MYO5B: variants seen among roughly 807,000 people sequenced by gnomAD.
MYO5B encodes unconventional myosin-Vb.
A neutral mutation model predicts 229.3 loss-of-function variants in MYO5B; 143 were observed. The observed-to-expected ratio is 0.62, with a 90% confidence interval of 0.54 to 0.72. MYO5B has a LOEUF of 0.72. MYO5B is among the 30% of genes least tolerant of loss of function. The probability of loss-of-function intolerance (pLI) is 0.00; values close to 1 mark genes in which losing one functional copy is unlikely to be tolerated. For missense variants in MYO5B, 2,321 were observed against 2,331.0 expected (o/e 1.00, Z 0.09); for synonymous variants, 918 against 885.2 (o/e 1.04, Z -0.66).
At chr18:50,041,274 A>G (rs985243376) in intron 2 of MYO5B, among the ~76,000 whole-genome samples, 1 of 152,230 alleles carries the variant, frequency 6.6e-6, no homozygotes, top group South Asian at 2.1e-4. Flanking sequence ...ATCATATTTT[A>G]AGAATTTCTG....
chr18:50,116,903 C>T (rs2031973346), intron 1 of MYO5B, among the ~76,000 whole-genome samples: 1 of 151,730 alleles, frequency 6.6e-6, no homozygotes, highest in Non-Finnish European at 1.5e-5. Flanking sequence ...GAAGAATCAG[C>T]ATCTGTGATG....
chr18:49,973,040 A>T (rs2025707545), intron 10 of MYO5B, among the ~76,000 whole-genome samples: 1 of 151,982 alleles, frequency 6.6e-6, no homozygotes, highest in African/African-American at 2.4e-5. Context: ...CTTAGCTCCC[A>T]CATAAAGCTT....
intron 4 of MYO5B, among the ~76,000 whole-genome samples, chr18:50,005,279 G>A (rs1285894768): frequency 6.6e-6 from 1 of 152,178 alleles, no homozygotes; most frequent in Non-Finnish European, 1.5e-5. Flanking sequence ...AAAGGACACT[G>A]GGGTTGTAAT....
chr18:49,942,750 CT>C lies in MYO5B; in HGVS notation c.1753-5354del, dbSNP rs546360794. Among the ~76,000 whole-genome samples, 582 of 152,132 alleles carry C rather than the reference CT, an allele frequency of 3.8e-3. 6 individuals carry two copies. The highest frequency in any genetic ancestry group is 0.014 in the African/African-American group (565 of 41,496). ...GAGAGGATGTGGAGAAATAGGAACA[CT>C]TTTACACTGTTGGTGGGACTGTAAA... is the stretch of plus-strand genomic sequence containing the variant. On this transcript the variant is annotated intron_variant, in intron 14 of 39. Transcript: ENST00000285039.
intron 29 of MYO5B, among the ~76,000 whole-genome samples, chr18:49,862,084 G>A (rs1258387872): frequency 1.4e-5 from 2 of 144,538 alleles, no homozygotes; most frequent in South Asian, 2.2e-4. Context: ...TGCAACCTCC[G>A]CCTCCTGGGT....
At chr18:50,010,853 T>C (rs540791139) in intron 4 of MYO5B, among the ~76,000 whole-genome samples, 2 of 152,194 alleles carry the variant, frequency 1.3e-5, no homozygotes, top group Non-Finnish European at 1.5e-5. Context: ...TATATTCAAG[T>C]ATATTCAAAT....
chr18:50,162,622 G>A (rs968487727), intron 1 of MYO5B, among the ~76,000 whole-genome samples: 4 of 152,272 alleles, frequency 2.6e-5, no homozygotes, highest in African/African-American at 9.6e-5. Flanking sequence ...CAAACTGGGC[G>A]GCCCTGAGCC....
intron 16 of MYO5B, among the ~76,000 whole-genome samples, chr18:49,935,678 A>C (rs897279979): frequency 7.9e-5 from 12 of 152,248 alleles, no homozygotes; most frequent in African/African-American, 2.9e-4. Flanking sequence ...AGTTCTACAG[A>C]TTAGGGTGAG....
At chr18:49,978,595 GCAC>G (rs1242367935) in intron 9 of MYO5B, among the ~76,000 whole-genome samples, 2 of 151,966 alleles carry the variant, frequency 1.3e-5, no homozygotes, top group Admixed American at 6.6e-5. Context: ...TGAGTGCTGA[GCAC>G]CACAATAGAT....
At position 49,902,809 on chromosome 18, in the gene MYO5B, T is replaced by C. The variant is rs765187047; in HGVS notation, c.2596A>G (p.Thr866Ala). ...CAGCCCCGCACGTGCTTCTGGATGGTGGTGGCCTTGTGCTCCATGAGGACC... is the reference window on the plus strand; with the variant it reads ...CAGCCCCGCACGTGCTTCTGGATGGCGGTGGCCTTGTGCTCCATGAGGACC... ...RQVLMEHKAT[T>A]IQKHVRGWMA... The change falls in exon 21 of 40, where the codon ACC becomes GCC. Residue 866 changes from threonine to alanine, a missense_variant. Thr to Ala is a moderately conservative substitution (Grantham distance 58, BLOSUM62 0). This residue lies in a region of MYO5B where 2,113 missense variants were observed against 2,044.7 expected (regional missense o/e 1.03). Transcript: ENST00000285039. 2.1e-5 allele frequency: 34 copies of C among 1,601,092 alleles called. No homozygotes were observed. The highest frequency in any genetic ancestry group is 2.7e-5 in the Non-Finnish European group (32 of 1,179,888).
At chr18:50,180,929 T>C (rs982950109) in intron 1 of MYO5B, among the ~76,000 whole-genome samples, 8 of 152,206 alleles carry the variant, frequency 5.3e-5, no homozygotes, top group Admixed American at 2.0e-4. Context: ...CTTGGAATAG[T>C]CAAAAGGGTG....
intron 1 of MYO5B, among the ~76,000 whole-genome samples, chr18:50,085,836 G>A (rs188610654): frequency 6.6e-6 from 1 of 151,590 alleles, no homozygotes; most frequent in African/African-American, 2.4e-5. Context: ...AACACTACAT[G>A]TTCTCACTTA....
At chr18:49,842,484 A>C (rs531542084) in intron 34 of MYO5B, among the ~76,000 whole-genome samples, 1 of 152,352 alleles carries the variant, frequency 6.6e-6, no homozygotes, top group East Asian at 1.9e-4. Flanking sequence ...TCCTGGAAGC[A>C]GTAATGTGTA....
intron 21 of MYO5B, among the ~76,000 whole-genome samples, chr18:49,896,588 T>C (rs551366587): frequency 6.6e-6 from 1 of 152,108 alleles, no homozygotes; most frequent in South Asian, 2.1e-4. Context: ...ACAGCCTGGG[T>C]CAAATCACTA....
rs1320145613 is a variant in MYO5B at position 49,841,380 on chromosome 18, C to T, written c.4686G>A (p.Gln1562=). The T allele has an allele frequency of 1.2e-6, 2 of 1,614,208 alleles. No individual in the cohort carries two copies. The highest frequency in any genetic ancestry group is 1.7e-6 in the Non-Finnish European group (2 of 1,180,020). The part of the protein sequence containing the change: ...NTCRLLHCLK[Q]YSGDEGFMTQ... ...CCCCACTCACCTCATCCCCGCTGTA[C>T]TGCTTCAGACAGTGAAGAAGGCGGC... The change falls in exon 35 of 40, where the codon CAG becomes CAA. Residue 1562 remains glutamine, a synonymous_variant. Transcript: ENST00000285039.
chr18:50,122,486 C>G, intron 1 of MYO5B, among the ~76,000 whole-genome samples: 1 of 132,614 alleles, frequency 7.5e-6, no homozygotes, highest in Middle Eastern at 4.7e-3. Flanking sequence ...TGGCAGGTGC[C>G]TATGATCCCA....
At position 49,837,821 on chromosome 18, in the gene MYO5B, T is replaced by C. The variant is rs890830778; in HGVS notation, c.4853-19A>G. The C allele has an allele frequency of 6.2e-7, 1 of 1,613,438 alleles. No homozygotes were observed. The highest frequency in any genetic ancestry group is 1.7e-5 in the Admixed American group (1 of 60,008). On this transcript the variant is annotated intron_variant, in intron 36 of 39. Transcript: ENST00000285039. ...GCAGAAACTGAAATAAAAGCACAGT[T>C]AGAGAAGCTTGCATTCCCCACTAAC...
chr18:50,111,095 G>A (rs2031856633), intron 1 of MYO5B, among the ~76,000 whole-genome samples: 2 of 152,088 alleles, frequency 1.3e-5, no homozygotes, highest in Non-Finnish European at 2.9e-5. Flanking sequence ...TAAGGAAATG[G>A]CAAATAGGCA....
At chr18:49,849,157 G>T (rs1338815670) in intron 32 of MYO5B, among the ~76,000 whole-genome samples, 2 of 152,098 alleles carry the variant, frequency 1.3e-5, no homozygotes, top group Non-Finnish European at 2.9e-5. Context: ...GAAGATCCCA[G>T]ATTGGAAGTT....
Sources: gnomAD v4.1 joint callset for allele counts (sites outside exome capture counted in the v4.1 genomes callset) on GRCh38, gnomAD v4.1.1 for gene constraint, gnomAD v4.1.1 regional missense constraint, MANE v1.5 for transcripts, NCBI Gene and HGNC (gene_info 2026-07-23, HGNC 2026-07-21) for gene names.